The following MCU variants were observed in gnomAD, a reference collection of about 807,000 sequenced individuals.
The protein encoded by MCU is calcium uniporter protein, mitochondrial.
MCU carries 12 observed loss-of-function variants against 45.2 expected under a neutral mutation model. That is an observed-to-expected ratio of 0.27 (90% CI 0.17 to 0.43). The LOEUF (loss-of-function observed/expected upper bound fraction) is 0.43. MCU is among the 20% of genes least tolerant of loss of function. The pLI is 1.00. For missense variants in MCU, 324 were observed against 436.7 expected (o/e 0.74, Z 2.30); for synonymous variants, 160 against 165.1 (o/e 0.97, Z 0.24).
At position 72,882,007 on chromosome 10, in the gene MCU, G is replaced by C. The variant is rs1407716802; in HGVS notation, c.862-2259G>C. Among the ~76,000 whole-genome samples the C allele has an allele frequency of 2.0e-5, 3 of 152,214 alleles. 1 individual carries two copies. The highest frequency in any genetic ancestry group is 6.5e-5 in the Admixed American group (1 of 15,282). On this transcript the variant is annotated intron_variant, in intron 6 of 7. Transcript: ENST00000373053. Reference sequence around the variant, plus strand: ...CCGGCTGAAGCCATGGCAGAAGAACGTGGATTGTGAAGATTTCATGGACAT... The same window carrying C: ...CCGGCTGAAGCCATGGCAGAAGAACCTGGATTGTGAAGATTTCATGGACAT...
At chr10:72,854,032 G>A (rs983975742) in intron 2 of MCU, among the ~76,000 whole-genome samples, 3 of 152,112 alleles carry the variant, frequency 2.0e-5, no homozygotes, top group African/African-American at 7.2e-5. Flanking sequence ...TATTGGGGAG[G>A]CTGAGGCAGG....
chr10:72,855,705 G>T (rs1845280457), intron 2 of MCU, among the ~76,000 whole-genome samples: 1 of 152,022 alleles, frequency 6.6e-6, no homozygotes. Context: ...GAACAGTAGG[G>T]TCAAAAAGAA....
intron 2 of MCU, among the ~76,000 whole-genome samples, chr10:72,842,208 A>T (rs1160440225): frequency 6.6e-6 from 1 of 152,184 alleles, no homozygotes; most frequent in African/African-American, 2.4e-5. Context: ...CTACTACTTG[A>T]AGTATCTCTG....
At chr10:72,834,051 G>A (rs1190169014) in intron 1 of MCU, among the ~76,000 whole-genome samples, 1 of 152,092 alleles carries the variant, frequency 6.6e-6, no homozygotes, top group Admixed American at 6.6e-5. Context: ...AATATTAAAT[G>A]TTTTTAAAAG....
intron 1 of MCU, among the ~76,000 whole-genome samples, chr10:72,772,296 T>C (rs1843822314): frequency 6.6e-6 from 1 of 152,224 alleles, no homozygotes; most frequent in Middle Eastern, 3.2e-3. Flanking sequence ...GATAATCCCT[T>C]TGGGACCTCC....
intron 1 of MCU, chr10:72,715,724 C>A: frequency 5.1e-6 from 1 of 194,726 alleles, no homozygotes; most frequent in Non-Finnish European, 9.4e-6. Context: ...CTATGTTTAT[C>A]ATTAAAGTTG....
At chr10:72,870,808 G>A (rs965187143) in intron 5 of MCU, among the ~76,000 whole-genome samples, 16 of 152,242 alleles carry the variant, frequency 1.1e-4, no homozygotes, top group African/African-American at 3.6e-4. Context: ...CTTGTGACTG[G>A]ATGAAGACCT....
intron 1 of MCU, among the ~76,000 whole-genome samples, chr10:72,782,488 CAGCCTCCTG>C: frequency 6.6e-6 from 1 of 152,054 alleles, no homozygotes; most frequent in Non-Finnish European, 1.5e-5. Flanking sequence ...CTCATGCCTC[CAGCCTCCTG>C]AGTAGCTGGG....
At chr10:72,760,129 C>T (rs1014782368) in intron 1 of MCU, among the ~76,000 whole-genome samples, 1 of 151,880 alleles carries the variant, frequency 6.6e-6, no homozygotes, top group Non-Finnish European at 1.5e-5. Context: ...ACCGTAGCCT[C>T]GACCTTTTGT....
At chr10:72,739,157 TGA>T (rs1225088062) in intron 1 of MCU, among the ~76,000 whole-genome samples, 1 of 152,156 alleles carries the variant, frequency 6.6e-6, no homozygotes, top group Non-Finnish European at 1.5e-5. Flanking sequence ...AACTATGAAT[TGA>T]GAGAGTCTAG....
At chr10:72,744,298 A>T (rs1047979869) in intron 1 of MCU, among the ~76,000 whole-genome samples, 1 of 148,802 alleles carries the variant, frequency 6.7e-6, no homozygotes, top group East Asian at 2.0e-4. Context: ...GTAATGTGCT[A>T]TTCCTACTTA....
intron 1 of MCU, among the ~76,000 whole-genome samples, chr10:72,724,029 A>C (rs1443052063): frequency 6.6e-6 from 1 of 152,226 alleles, no homozygotes; most frequent in Non-Finnish European, 1.5e-5. Flanking sequence ...AGATTTGCTC[A>C]TCAAGAATAT....
chr10:72,848,728 G>GTC (rs1395758175), intron 2 of MCU, among the ~76,000 whole-genome samples: 1 of 98,874 alleles, frequency 1.0e-5, no homozygotes, highest in Non-Finnish European at 2.7e-5. Context: ...ATATGTTTGT[G>GTC]TATGTGTGTG....
At chr10:72,809,962 A>T (rs2132798151) in intron 1 of MCU, among the ~76,000 whole-genome samples, 1 of 152,178 alleles carries the variant, frequency 6.6e-6, no homozygotes, top group South Asian at 2.1e-4. Context: ...AAATGAGAAA[A>T]TATCAGTGGG....
intron 1 of MCU, among the ~76,000 whole-genome samples, chr10:72,781,407 A>G (rs1843991969): frequency 6.6e-6 from 1 of 152,248 alleles, no homozygotes; most frequent in Non-Finnish European, 1.5e-5. Context: ...TATTATTTTT[A>G]AATGAATCAT....
At chr10:72,799,061 G>C (rs982902780) in intron 1 of MCU, among the ~76,000 whole-genome samples, 6 of 151,934 alleles carry the variant, frequency 3.9e-5, no homozygotes, top group Non-Finnish European at 7.4e-5. Flanking sequence ...CGAGAAGCTG[G>C]GACTATAGGC....
rs1167426344 is a variant in MCU, at chr10:72,793,265, TC to T, written c.151-41093del. On this transcript the variant is annotated intron_variant, in intron 1 of 7. Transcript: ENST00000373053. ...TCACCAAGGTGAGGGAGAGCCTGCC[TC>T]AAATCCTCAGGCAAAATAAAGTCAC... 7.2e-5 allele frequency among the ~76,000 whole-genome samples: 11 copies of T among 152,280 alleles called. 1 individual carries two copies. In the South Asian group the frequency reaches 2.3e-3, roughly 32 times the overall value.
intron 2 of MCU, among the ~76,000 whole-genome samples, chr10:72,850,023 C>T (rs1240467245): frequency 6.6e-6 from 1 of 151,422 alleles, no homozygotes. Flanking sequence ...AAGTAATTCT[C>T]TTGCCTCAGG....
At position 72,885,800 on chromosome 10, in the gene MCU, G is replaced by A. The variant is rs374910594; in HGVS notation, c.1034G>A (p.Arg345Gln). ...RDPLQVHLPL[R>Q]QIGEKD Reference sequence around the variant, plus strand: ...CCATTACAAGTACATCTGCCTCTCCGACAAATTGGTGAAAAAGATTGATCT... The same window carrying A: ...CCATTACAAGTACATCTGCCTCTCCAACAAATTGGTGAAAAAGATTGATCT... The change falls in exon 8 of 8, where the codon CGA (arginine) becomes CAA (glutamine). Residue 345 changes from arginine (R) to glutamine (Q), a missense_variant. Physicochemically the swap from Arg to Gln is conservative, Grantham distance 43 (BLOSUM62 1). Around this residue, in one of 4 missense-constraint regions of MCU, gnomAD observed 76 missense variants for 99.4 expected, o/e 0.76. Coordinates refer to ENST00000373053, the MANE Select transcript of MCU (RefSeq NM_138357.3). The A allele has an allele frequency of 2.1e-5, 34 of 1,613,380 alleles. No homozygotes were observed. Among genetic ancestry groups the A allele is most frequent in the Admixed American group, 8.3e-5 (5 of 59,946 alleles).
Sources: gnomAD v4.1 joint callset for allele counts (sites outside exome capture counted in the v4.1 genomes callset) on GRCh38, gnomAD v4.1.1 for gene constraint, gnomAD v4.1.1 regional missense constraint, MANE v1.5 for transcripts, NCBI Gene and HGNC (gene_info 2026-07-23, HGNC 2026-07-21) for gene names.